TAF1: variants seen among roughly 807,000 people sequenced by gnomAD.
TAF1 encodes transcription initiation factor TFIID subunit 1.
In TAF1, 2 loss-of-function variants were observed where a neutral mutation model predicts 138.5. That is an observed-to-expected ratio of 0.01 (90% CI 0.01 to 0.05). The LOEUF (loss-of-function observed/expected upper bound fraction) is 0.05. Among genes scored for constraint, TAF1 ranks in the 10% least tolerant of loss-of-function variants. TAF1 has a pLI of 1.00. For missense variants in TAF1, 709 were observed against 1,478.0 expected, an observed-to-expected ratio of 0.48 and a Z score of 8.53; for synonymous variants, 437 against 503.2, an observed-to-expected ratio of 0.87 and a Z score of 1.76.
At chrX:71,382,407 G>C in intron 9 of TAF1, 129 bp from the exon 10 acceptor site, 1 of 892,666 alleles carries the variant, frequency 1.1e-6, no homozygotes, top group Non-Finnish European at 1.5e-6. Flanking sequence ...GGGGGGGGGT[G>C]GGATGAAAGG....
intron 28 of TAF1, among the ~76,000 whole-genome samples, chrX:71,417,586 A>C (rs1409505900): frequency 9.1e-6 from 1 of 109,524 alleles, no homozygotes; most frequent in Non-Finnish European, 1.9e-5. Context: ...CTGGTCTCGA[A>C]CTCCTGGGCT....
chrX:71,447,965 T>A (rs2037774259), intron 32 of TAF1, among the ~76,000 whole-genome samples: 1 of 111,655 alleles, frequency 9.0e-6, no homozygotes, highest in Non-Finnish European at 1.9e-5. Context: ...ATAACGTTTC[T>A]CCAACGTGAC....
intron 13 of TAF1, among the ~76,000 whole-genome samples, chrX:71,523,699 C>G (rs914025729): frequency 9.0e-6 from 1 of 111,714 alleles, no homozygotes; most frequent in African/African-American, 3.3e-5. Flanking sequence ...ATCTTAAACA[C>G]ATAGTATCAT....
chrX:71,384,750 T>C (rs185472926), intron 13 of TAF1, among the ~76,000 whole-genome samples, 195 bp from the exon 14 acceptor site: 4 of 111,891 alleles, frequency 3.6e-5, no homozygotes, highest in East Asian at 2.8e-4. Flanking sequence ...CAAATGCTCA[T>C]TGGAGCATTT....
chrX:71,419,800 A>C (rs1298589794), intron 28 of TAF1, among the ~76,000 whole-genome samples: 1 of 111,164 alleles, frequency 9.0e-6, no homozygotes, highest in African/African-American at 3.3e-5. Flanking sequence ...GCAGGGAAAC[A>C]TGGGGAGCAG....
chrX:71,382,970 C>T lies in TAF1; in HGVS notation c.1774-21C>T, dbSNP rs755347547. ...TTAGGATGGAATTAGCTAATTTTAA[C>T]CCTTCTATTTCCTGTTTTAGCATTC... On this transcript the variant is annotated intron_variant, in intron 11 of 37. Transcript: ENST00000423759. 35 of 1,196,381 alleles carry T rather than the reference C, an allele frequency of 2.9e-5. No homozygotes were observed. In the Admixed American group the frequency reaches 3.5e-4, roughly 12 times the overall value.
At chrX:71,461,024 A>G (rs1352538025) in intron 37 of TAF1, 2 of 434,255 alleles carry the variant, frequency 4.6e-6, no homozygotes, top group Non-Finnish European at 3.9e-6. Flanking sequence ...AAATCATTAC[A>G]AATACAATGT....
At chrX:71,473,494 T>C (rs1287413903) in intron 13 of TAF1, among the ~76,000 whole-genome samples, 2 of 110,175 alleles carry the variant, frequency 1.8e-5, no homozygotes, top group Non-Finnish European at 3.8e-5. Context: ...TGAGAATACA[T>C]CTCTTAAAAA....
At chrX:71,440,528 G>GA (rs2037359662) in intron 32 of TAF1, among the ~76,000 whole-genome samples, 1 of 107,668 alleles carries the variant, frequency 9.3e-6, no homozygotes, top group South Asian at 4.0e-4. Flanking sequence ...ATCAGATGTG[G>GA]AAAAAAAATG....
At chrX:71,504,126 T>C (rs1006420577) in intron 13 of TAF1, among the ~76,000 whole-genome samples, 2 of 111,132 alleles carry the variant, frequency 1.8e-5, no homozygotes, top group Admixed American at 9.7e-5. Context: ...CTTTAGCATG[T>C]GCCTGAGTGT....
intron 18 of TAF1, among the ~76,000 whole-genome samples, chrX:71,391,648 AGACAGAGTCTC>A (rs2034572129): frequency 2.7e-5 from 2 of 74,977 alleles, no homozygotes; most frequent in African/African-American, 1.2e-4. Flanking sequence ...TTTTTTTTTG[AGACAGAGTCTC>A]ACTCTGTCTC....
chrX:71,498,772 G>A lies in TAF1; in HGVS notation c.1367-29770G>A, dbSNP rs749850999. ...ATGTCCCTCCCTAATAAGGGTGTGG[G>A]ACTTTCAGGCATAATGAGAAAGGAG... On this transcript the variant is annotated intron_variant and NMD_transcript_variant, in intron 13 of 14. Transcript: ENST00000373775. Among the ~76,000 whole-genome samples, 8 of 111,671 alleles carry A rather than the reference G, an allele frequency of 7.2e-5. No individual in the cohort carries two copies. The East Asian group carries it at 2.3e-3, about 31-fold the overall frequency.
downstream of TAF1, among the ~76,000 whole-genome samples, chrX:71,466,671 C>T (rs1320726881): frequency 8.9e-6 from 1 of 111,913 alleles, no homozygotes; most frequent in African/African-American, 3.2e-5. Context: ...AGCCACCGCG[C>T]CCAGCCAAGA....
chrX:71,459,316 A>T, intron 35 of TAF1: 1 of 1,077,908 alleles, frequency 9.3e-7, no homozygotes, highest in Non-Finnish European at 1.3e-6. Flanking sequence ...CCCCATCAGT[A>T]CAGGCCAGGC....
intron 33 of TAF1, 70 bp from the exon 34 acceptor site, chrX:71,454,671 C>G: frequency 1.1e-6 from 1 of 923,272 alleles, no homozygotes. Flanking sequence ...ATATTTTTGT[C>G]TTTTGTTTAC....
intron 28 of TAF1, among the ~76,000 whole-genome samples, chrX:71,410,513 A>C (rs949818746): frequency 3.3e-5 from 3 of 89,937 alleles, no homozygotes; most frequent in Non-Finnish European, 6.2e-5. Context: ...GCTGGAGTGC[A>C]GTGGCGCTGT....
chrX:71,384,042 T>C lies in TAF1; in HGVS notation c.2028T>C (p.Asp676=). ...CACCTCAGGACCTCACAGGCAAAGATGGTGATCTTATTCTTGCAGAATATA... is the reference window on the plus strand; with the variant it reads ...CACCTCAGGACCTCACAGGCAAAGACGGTGATCTTATTCTTGCAGAATATA... ...MRTPQDLTGK[D]GDLILAEYSE... The change falls in exon 13 of 38, where the codon GAT becomes GAC. Residue 676 remains aspartate (D), a synonymous_variant. Transcript: ENST00000423759. 8.3e-7 allele frequency: 1 copy of C among 1,211,371 alleles called. No individual in the cohort carries two copies. Among genetic ancestry groups the C allele is most frequent in the Non-Finnish European group, 1.1e-6 (1 of 895,485 alleles).
chrX:71,395,238 C>T (rs186169141), intron 22 of TAF1, among the ~76,000 whole-genome samples: 4 of 111,746 alleles, frequency 3.6e-5, no homozygotes, highest in African/African-American at 1.3e-4. Flanking sequence ...GTCTGACATG[C>T]TGGCTCATGC....
intron 13 of TAF1, among the ~76,000 whole-genome samples, chrX:71,471,780 C>T (rs934899129): frequency 7.2e-5 from 8 of 111,729 alleles, no homozygotes; most frequent in African/African-American, 2.3e-4. Flanking sequence ...CCAAATACCC[C>T]CTAGACGTTT....
Sources: allele counts gnomAD v4.1 joint callset (sites outside exome capture counted in the v4.1 genomes callset), GRCh38; gene constraint gnomAD v4.1.1; transcripts MANE v1.5; gene names NCBI Gene and HGNC (gene_info 2026-07-23, HGNC 2026-07-21).